Variants in PRRC2C observed in about 807,000 individuals in gnomAD.
PRRC2C encodes the protein protein PRRC2C.
PRRC2C carries 72 observed loss-of-function variants against 317.2 expected under a neutral mutation model. That is an observed-to-expected ratio of 0.23 (90% CI 0.19 to 0.28). PRRC2C has a LOEUF of 0.28. PRRC2C is among the 10% of genes least tolerant of loss of function. The probability of loss-of-function intolerance (pLI) is 1.00; values close to 1 mark genes in which losing one functional copy is unlikely to be tolerated. For missense variants in PRRC2C, 3,074 were observed against 3,459.7 expected, an observed-to-expected ratio of 0.89 and a Z score of 2.80; for synonymous variants, 1,296 against 1,205.9, an observed-to-expected ratio of 1.07 and a Z score of -1.55.
chr1:171,576,203 G>C (rs1419005186), intron 25 of PRRC2C, among the ~76,000 whole-genome samples: 4 of 152,204 alleles, frequency 2.6e-5, no homozygotes, highest in South Asian at 2.1e-4. Context: ...ACTTTGGGAT[G>C]GGGGGGTTAG....
In PRRC2C at chr1:171,535,483, A is replaced by C; in HGVS notation, c.1929A>C (p.Thr643=). ...QDSNRSEKEA[T]PVVHETEPES... is the part of the protein sequence containing the mutation. ...GCAATCGCAGTGAAAAGGAAGCCACACCAGTGGTGCATGAAACAGAACCAG... is the reference window on the plus strand; with the variant it reads ...GCAATCGCAGTGAAAAGGAAGCCACCCCAGTGGTGCATGAAACAGAACCAG... The change falls in exon 13 of 35, where the codon ACA becomes ACC. Residue 643 remains threonine, a synonymous_variant. Transcript: ENST00000647382. 1 of 1,614,016 alleles carries C rather than the reference A, an allele frequency of 6.2e-7. No individual in the cohort carries two copies.
Position 171,578,091 on chromosome 1 carries a change from C to G in PRRC2C, c.7159+454C>G, listed in dbSNP as rs543680626. Among the ~76,000 whole-genome samples the G allele has an allele frequency of 2.0e-5, 3 of 151,766 alleles. No homozygotes were observed. The East Asian group carries it at 5.8e-4, about 30-fold the overall frequency. ...AATTATAGGCATGAGCCACCTCACC[C>G]AGCCTAAATTGGCATAATTCTTTTT... On this transcript the variant is annotated intron_variant, in intron 26 of 34. Coordinates refer to ENST00000647382, the MANE Select transcript of PRRC2C (RefSeq NM_001387844.1).
chr1:171,539,522 A>AT (rs1258987207), intron 15 of PRRC2C, among the ~76,000 whole-genome samples: 1 of 151,936 alleles, frequency 6.6e-6, no homozygotes, highest in East Asian at 1.9e-4. Context: ...TATTTCCTAT[A>AT]TTATACCTAT....
chr1:171,548,263 C>G (rs1679551875), intron 17 of PRRC2C, among the ~76,000 whole-genome samples: 1 of 152,192 alleles, frequency 6.6e-6, no homozygotes, highest in Non-Finnish European at 1.5e-5. Flanking sequence ...ACCACCATGC[C>G]CAGCCAGTTT....
intron 10 of PRRC2C, among the ~76,000 whole-genome samples, chr1:171,526,563 C>G (rs941915269): frequency 6.6e-6 from 1 of 152,260 alleles, no homozygotes; most frequent in Non-Finnish European, 1.5e-5. Context: ...GTCTTGAACT[C>G]CTGGCCTCAA....
intron 9 of PRRC2C, 99 bp from the exon 10 acceptor site, chr1:171,524,722 C>A: frequency 1.6e-6 from 2 of 1,253,148 alleles, no homozygotes; most frequent in South Asian, 3.4e-5. Context: ...TTTCCCCCCC[C>A]AGAAACCATA....
rs745420029 is a variant in PRRC2C at position 171,517,593 on chromosome 1, G to C, written c.529G>C (p.Val177Leu). ...GPGPSLRPPN[V>L]ACWRDGGKAA... ...TTTTTTCTCTGCCTTCATACTAGAT[G>C]TTGCTTGTTGGAGAGATGGTGGTAA... is the stretch of plus-strand genomic sequence containing the variant. The change falls in exon 6 of 35, where the codon GTT (valine) becomes CTT (leucine). Residue 177 changes from valine (V) to leucine (L), a missense_variant and splice_region_variant. By Grantham distance (32) the Val-to-Leu change is conservative. Around this residue, in one of 11 missense-constraint regions of PRRC2C, gnomAD observed 237 missense variants for 199.5 expected, o/e 1.19. Coordinates refer to ENST00000647382, the MANE Select transcript of PRRC2C (RefSeq NM_001387844.1). 4 of 1,611,176 alleles carry C rather than the reference G, an allele frequency of 2.5e-6. No individual in the cohort carries two copies. The highest frequency in any genetic ancestry group is 3.4e-6 in the Non-Finnish European group (4 of 1,178,712).
chr1:171,554,061 A>G (rs988772752), intron 18 of PRRC2C, among the ~76,000 whole-genome samples: 7 of 152,084 alleles, frequency 4.6e-5, no homozygotes, highest in African/African-American at 1.4e-4. Flanking sequence ...AATATTGACA[A>G]TGGGGTGTTA....
chr1:171,515,952 C>G (rs1412537370), intron 5 of PRRC2C, 93 bp downstream of exon 5: 66 of 1,370,954 alleles, frequency 4.8e-5, no homozygotes, highest in Non-Finnish European at 6.2e-5. Flanking sequence ...ATATTATTTG[C>G]CTACTTCGAA....
intron 12 of PRRC2C, 137 bp downstream of exon 12, chr1:171,533,098 A>C (rs573734060): frequency 1.1e-6 from 1 of 890,046 alleles, no homozygotes; most frequent in African/African-American, 1.8e-5. Flanking sequence ...GCAGTACAAA[A>C]TATGGGCTAG....
intron 13 of PRRC2C, 29 bp downstream of exon 13, chr1:171,535,626 G>A: frequency 6.2e-7 from 1 of 1,606,028 alleles, no homozygotes; most frequent in Non-Finnish European, 8.5e-7. Flanking sequence ...TATCATGTAT[G>A]TGTGATTGAA....
intron 16 of PRRC2C, 81 bp downstream of exon 16, chr1:171,542,310 G>A: frequency 8.1e-7 from 1 of 1,240,550 alleles, no homozygotes. Flanking sequence ...ATTATGCAAA[G>A]AGCCAGTCTA....
chr1:171,575,909 A>T (rs1380880781), intron 25 of PRRC2C, among the ~76,000 whole-genome samples: 8 of 152,144 alleles, frequency 5.3e-5, no homozygotes, highest in Admixed American at 5.2e-4. Context: ...ACTTTGTTTG[A>T]CTGGTTCTCA....
chr1:171,485,963 C>T (rs550745382), intron 1 of PRRC2C, among the ~76,000 whole-genome samples: 2 of 152,204 alleles, frequency 1.3e-5, no homozygotes, highest in South Asian at 2.1e-4. Flanking sequence ...GAGTCAGACC[C>T]GCCCCATGTG....
At chr1:171,560,680 G>A (rs765157858) in intron 19 of PRRC2C, among the ~76,000 whole-genome samples, 2 of 152,086 alleles carry the variant, frequency 1.3e-5, no homozygotes, top group South Asian at 4.2e-4. Flanking sequence ...AAATTAAAAA[G>A]TATACATCTT....
chr1:171,574,969 A>G lies in PRRC2C; in HGVS notation c.6796A>G (p.Arg2266Gly), dbSNP rs762853246. 3 of 1,613,894 alleles carry G rather than the reference A, an allele frequency of 1.9e-6. No homozygotes were observed. The South Asian group carries it at 3.3e-5, about 18-fold the overall frequency. Residue 2266 changes from arginine (R) to glycine (G), a missense_variant, in exon 25 of 35, where the codon AGG becomes GGG. Arg to Gly is a moderately radical substitution (Grantham distance 125). Around this residue, in one of 11 missense-constraint regions of PRRC2C, gnomAD observed 490 missense variants for 663.1 expected, o/e 0.74. Transcript: ENST00000647382. ...RKAWENSPNV[R>G]EKGSPVTSTA... ...AGCATGGGAGAATTCTCCAAATGTA[A>G]GGGAAAAGGGGTCTCCAGTAACTTC... is the stretch of plus-strand genomic sequence containing the variant.
chr1:171,545,752 A>ATT (rs1679002132), intron 17 of PRRC2C, 65 bp downstream of exon 17: 13 of 697,394 alleles, frequency 1.9e-5, no homozygotes, highest in South Asian at 1.4e-4. Flanking sequence ...TTTATTTGCT[A>ATT]CATTTTAAAA....
chr1:171,487,850 TG>T lies in PRRC2C; in HGVS notation c.-58+2116del, dbSNP rs1213237102. Among the ~76,000 whole-genome samples the T allele has an allele frequency of 2.6e-5, 4 of 152,202 alleles. No homozygotes were observed. The East Asian group carries it at 7.7e-4, about 29-fold the overall frequency. On this transcript the variant is annotated intron_variant, in intron 1 of 34. Coordinates refer to ENST00000647382, the MANE Select transcript of PRRC2C (RefSeq NM_001387844.1). ...AATAATCTGTAAATTCTCAGGGTGA[TG>T]TATATATTTCTTTAGGTACATAAGA...
intron 15 of PRRC2C, 125 bp from the exon 16 acceptor site, chr1:171,539,846 G>T: frequency 3.5e-6 from 3 of 860,078 alleles, no homozygotes; most frequent in Non-Finnish European, 3.5e-6. Context: ...TTTATATAGC[G>T]AGAGAAAGAT....
Sources: gnomAD v4.1 joint callset for allele counts (sites outside exome capture counted in the v4.1 genomes callset) on GRCh38, gnomAD v4.1.1 for gene constraint, gnomAD v4.1.1 regional missense constraint, MANE v1.5 for transcripts, NCBI Gene and HGNC (gene_info 2026-07-23, HGNC 2026-07-21) for gene names.